Variants in ZFAT observed in about 807,000 individuals in gnomAD.
ZFAT encodes zinc finger protein ZFAT.
A neutral mutation model predicts 117.7 loss-of-function variants in ZFAT; 64 were observed. That is an observed-to-expected ratio of 0.54 (90% CI 0.44 to 0.67). The LOEUF is 0.67. ZFAT is among the 30% of genes least tolerant of loss of function. The pLI, the probability that ZFAT is intolerant of heterozygous loss-of-function variation, is 0.00. For synonymous variants in ZFAT, 679 were observed against 615.0 expected (o/e 1.10, Z -1.54); for missense variants, 1,433 against 1,584.5 (o/e 0.90, Z 1.62).
At chr8:134,531,626 GA>G (rs1322403796) in intron 12 of ZFAT, among the ~76,000 whole-genome samples, 2 of 152,192 alleles carry the variant, frequency 1.3e-5, no homozygotes, top group Non-Finnish European at 2.9e-5. Flanking sequence ...TAAGAAAGAA[GA>G]ATGCAGATTG....
intron 3 of ZFAT, among the ~76,000 whole-genome samples, chr8:134,619,834 C>T (rs1282816853): frequency 3.3e-5 from 5 of 152,134 alleles, no homozygotes; most frequent in Admixed American, 6.6e-5. Context: ...GTCCGAAGCT[C>T]GGTGAGGAGA....
intron 11 of ZFAT, among the ~76,000 whole-genome samples, chr8:134,533,381 A>G (rs1563817184): frequency 6.6e-6 from 1 of 152,208 alleles, no homozygotes; most frequent in East Asian, 1.9e-4. Flanking sequence ...ACATAATGAC[A>G]TTTCACTCAA....
intron 1 of ZFAT, 95 bp downstream of exon 1, chr8:134,712,750 C>CGG: frequency 7.9e-7 from 1 of 1,261,136 alleles, no homozygotes; most frequent in Non-Finnish European, 1.1e-6. Flanking sequence ...GCGGCCGGCG[C>CGG]ACTGCTTCCC....
At chr8:134,510,580 C>G (rs904646022) in intron 14 of ZFAT, 2 of 167,000 alleles carry the variant, frequency 1.2e-5, no homozygotes, top group Non-Finnish European at 2.6e-5. Context: ...GAGGCAGTGG[C>G]GGACTTATAT....
At chr8:134,655,516 C>T (rs1267159040) in intron 2 of ZFAT, among the ~76,000 whole-genome samples, 5 of 151,806 alleles carry the variant, frequency 3.3e-5, no homozygotes, top group Non-Finnish European at 5.9e-5. Context: ...GGTGTGGTGG[C>T]GGGTGCCTGT....
At chr8:134,710,459 A>C (rs1178242615) in intron 1 of ZFAT, among the ~76,000 whole-genome samples, 1 of 152,220 alleles carries the variant, frequency 6.6e-6, no homozygotes, top group Non-Finnish European at 1.5e-5. Flanking sequence ...TTGGGTCTTT[A>C]AAAGTTTCCA....
intron 3 of ZFAT, among the ~76,000 whole-genome samples, 188 bp from the exon 4 acceptor site, chr8:134,610,843 T>C (rs1280460723): frequency 6.6e-6 from 1 of 151,998 alleles, no homozygotes; most frequent in Non-Finnish European, 1.5e-5. Flanking sequence ...CAGTACATGT[T>C]CACTGCTCCC....
intron 11 of ZFAT, among the ~76,000 whole-genome samples, chr8:134,561,341 C>T (rs1389594534): frequency 6.6e-6 from 1 of 152,140 alleles, no homozygotes; most frequent in Admixed American, 6.5e-5. Flanking sequence ...TGGTAAAGTA[C>T]CCTAGCAGCA....
At chr8:134,737,937 G>T in the ZFAT span, among the ~76,000 whole-genome samples, 1 of 152,156 alleles carries the variant, frequency 6.6e-6, no homozygotes, top group African/African-American at 2.4e-5. Context: ...AAAAAGACCA[G>T]GAGATCTTTT....
chr8:134,712,799 C>T, intron 1 of ZFAT, 46 bp downstream of exon 1: 1 of 1,206,170 alleles, frequency 8.3e-7, no homozygotes, highest in South Asian at 1.4e-5. Context: ...CGCCGCGCCG[C>T]GCCCCACCCC....
chr8:134,568,829 G>A (rs1307586876), intron 10 of ZFAT, among the ~76,000 whole-genome samples: 1 of 152,178 alleles, frequency 6.6e-6, no homozygotes, highest in Non-Finnish European at 1.5e-5. Flanking sequence ...AAAATAATGG[G>A]ATGCAGATTC....
chr8:134,491,785 T>C (rs1294395053), intron 15 of ZFAT, among the ~76,000 whole-genome samples: 6 of 152,232 alleles, frequency 3.9e-5, no homozygotes, highest in Admixed American at 1.3e-4. Context: ...CTCCCCATCT[T>C]GGATTCAGCT....
At chr8:134,642,326 C>T (rs1830632147) in intron 2 of ZFAT, among the ~76,000 whole-genome samples, 1 of 152,122 alleles carries the variant, frequency 6.6e-6, no homozygotes, top group South Asian at 2.1e-4. Context: ...GGAGCTGGAC[C>T]GACCTGGGTT....
intron 8 of ZFAT, among the ~76,000 whole-genome samples, chr8:134,589,430 TAAAG>T (rs1416191212): frequency 6.6e-6 from 1 of 152,060 alleles, no homozygotes; most frequent in African/African-American, 2.4e-5. Context: ...AAATACAAAA[TAAAG>T]AACAGGAAAA....
chr8:134,638,365 G>A (rs2131109205), intron 2 of ZFAT, among the ~76,000 whole-genome samples: 1 of 152,100 alleles, frequency 6.6e-6, no homozygotes, highest in South Asian at 2.1e-4. Context: ...CTCAATTAGT[G>A]TTAATTTTTA....
chr8:134,601,746 T>C lies in ZFAT; in HGVS notation c.1973A>G (p.Gln658Arg). The C allele has an allele frequency of 6.2e-7, 1 of 1,613,656 alleles. No individual in the cohort carries two copies. Among genetic ancestry groups the C allele is most frequent in the Non-Finnish European group, 8.5e-7 (1 of 1,179,810 alleles). The change falls in exon 6 of 16, where the codon CAG becomes CGG. Residue 658 changes from glutamine (Q) to arginine (R), a missense_variant. Physicochemically the swap from Gln to Arg is conservative, Grantham distance 43. Coordinates refer to ENST00000377838, the MANE Select transcript of ZFAT (RefSeq NM_020863.4). ...HGAQSPLGEG[Q>R]NMAVLSAGDP... ...ACCAGCTGAAAGCACAGCCATGTTC[T>C]GCCCTTCCCCTAGGGGGCTCTGGGC... is the stretch of plus-strand genomic sequence containing the variant.
chr8:134,642,105 A>G lies in ZFAT; in HGVS notation c.197-4393T>C, dbSNP rs957605875. 3.3e-5 allele frequency among the ~76,000 whole-genome samples: 5 copies of G among 152,240 alleles called. No homozygotes were observed. In the East Asian group the frequency reaches 7.7e-4, roughly 23 times the overall value. On this transcript the variant is annotated intron_variant, in intron 2 of 15. Transcript: ENST00000377838. Reference sequence around the variant, plus strand: ...GGATGCAGCAAACACAACGTCCTCAATGGGAGAAGAAACAAGGGACACAAC... The same window carrying G: ...GGATGCAGCAAACACAACGTCCTCAGTGGGAGAAGAAACAAGGGACACAAC...
At chr8:134,709,160 TGTAGTCCCA>T (rs1489099504) in intron 1 of ZFAT, among the ~76,000 whole-genome samples, 1 of 152,144 alleles carries the variant, frequency 6.6e-6, no homozygotes, top group Non-Finnish European at 1.5e-5. Flanking sequence ...GGTGCACCCC[TGTAGTCCCA>T]GCTATTCAGG....
At chr8:134,497,014 G>A (rs943306794) in intron 15 of ZFAT, among the ~76,000 whole-genome samples, 6 of 152,224 alleles carry the variant, frequency 3.9e-5, no homozygotes, top group African/African-American at 1.2e-4. Flanking sequence ...GCTCCTTCTT[G>A]GAGTGTTTGC....
Sources: allele counts gnomAD v4.1 joint callset (sites outside exome capture counted in the v4.1 genomes callset), GRCh38; gene constraint gnomAD v4.1.1; transcripts MANE v1.5; gene names NCBI Gene and HGNC (gene_info 2026-07-23, HGNC 2026-07-21).